Variants in BCL11B observed in about 807,000 individuals in gnomAD.
BCL11B encodes the protein B-cell lymphoma/leukemia 11B.
BCL11B carries 8 observed loss-of-function variants against 49.9 expected under a neutral mutation model. That is an observed-to-expected ratio of 0.16 (90% CI 0.09 to 0.29). The LOEUF (loss-of-function observed/expected upper bound fraction) is 0.29, where lower values mean the gene tolerates loss of function less well. BCL11B is among the 10% of genes least tolerant of loss of function. The pLI is 1.00. For synonymous variants in BCL11B, 739 were observed against 637.4 expected, an observed-to-expected ratio of 1.16 and a Z score of -2.40; for missense variants, 1,006 against 1,351.0, an observed-to-expected ratio of 0.74 and a Z score of 4.00.
rs532208681 is a variant in BCL11B at position 99,240,402 on chromosome 14, A to G, written c.428-8845T>C. Among the ~76,000 whole-genome samples, 16 of 152,158 alleles carry G rather than the reference A, an allele frequency of 1.1e-4. No individual in the cohort carries two copies. In the South Asian group the frequency reaches 2.3e-3, roughly 22 times the overall value. ...TCATTTTTTTTCCTTTTCCTAATGG[A>G]CTTATAGAAGACCGAGGTTCAGTGC... On this transcript the variant is annotated intron_variant, in intron 2 of 3. Coordinates refer to ENST00000357195, the MANE Select transcript of BCL11B (RefSeq NM_138576.4).
At position 99,198,394 on chromosome 14, in the gene BCL11B, C is replaced by T. The variant is rs201602920; in HGVS notation, c.641-22199G>A. On this transcript the variant is annotated intron_variant, in intron 3 of 3. Coordinates refer to ENST00000357195, the MANE Select transcript of BCL11B (RefSeq NM_138576.4). Reference sequence around the variant, plus strand: ...GCTGTATACAGTTCAAACAGCTGAGCTCCTGCTGTATACAGTTTTGATTTG... The same window carrying T: ...GCTGTATACAGTTCAAACAGCTGAGTTCCTGCTGTATACAGTTTTGATTTG... 2.1e-4 allele frequency among the ~76,000 whole-genome samples: 32 copies of T among 152,296 alleles called. No homozygotes were observed. In the East Asian group the frequency reaches 2.7e-3, roughly 13 times the overall value.
At chr14:99,245,724 C>G (rs970697462) in intron 2 of BCL11B, among the ~76,000 whole-genome samples, 2 of 152,188 alleles carry the variant, frequency 1.3e-5, no homozygotes, top group African/African-American at 2.4e-5. Flanking sequence ...ATTCCCCATG[C>G]CCGAGAAGGT....
At position 99,249,856 on chromosome 14, in the gene BCL11B, G is replaced by A. The variant is rs578047429; in HGVS notation, c.427+7615C>T. Among the ~76,000 whole-genome samples the A allele has an allele frequency of 1.2e-4, 18 of 152,134 alleles. No individual in the cohort carries two copies. In the South Asian group the frequency reaches 3.3e-3, roughly 28 times the overall value. On this transcript the variant is annotated intron_variant, in intron 2 of 3. Coordinates refer to ENST00000357195, the MANE Select transcript of BCL11B (RefSeq NM_138576.4). ...TTAAATTTAACATCAGGCTGGGTGC[G>A]GTGGCTCGTGCCTGTAATCCCAACA... is the stretch of plus-strand genomic sequence containing the variant.
rs553065925 is a variant in BCL11B at position 99,244,052 on chromosome 14, A to T, written c.428-12495T>A. On this transcript the variant is annotated intron_variant, in intron 2 of 3. Transcript: ENST00000357195. ...GGCGCAGAAAGTGTGCCCTGCAAAG[A>T]CGCCAGAGCACCCTGGGGGCTACCA... is the stretch of plus-strand genomic sequence containing the variant. Among the ~76,000 whole-genome samples the T allele has an allele frequency of 2.6e-5, 4 of 152,174 alleles. No homozygotes were observed. The South Asian group carries it at 8.3e-4, about 32-fold the overall frequency.
In BCL11B at chr14:99,195,567, C is replaced by G. The variant is rs184772970; in HGVS notation, c.641-19372G>C. ...TGTATCTTCGTGAACCCCCACAAGGCTCGTATGCCTTGGATTCCACATGGA... is the reference window on the plus strand; with the variant it reads ...TGTATCTTCGTGAACCCCCACAAGGGTCGTATGCCTTGGATTCCACATGGA... On this transcript the variant is annotated intron_variant, in intron 3 of 3. Coordinates refer to ENST00000357195, the MANE Select transcript of BCL11B (RefSeq NM_138576.4). The surrounding 1 kb of genome is among the most constrained non-coding windows in gnomAD (Gnocchi z 4.7). Among the ~76,000 whole-genome samples the G allele has an allele frequency of 1.6e-3, 240 of 152,280 alleles. 1 individual carries two copies. Among genetic ancestry groups the G allele is most frequent in the Admixed American group, 4.4e-3 (68 of 15,294 alleles).
chr14:99,251,554 A>G (rs1595075304), intron 2 of BCL11B, among the ~76,000 whole-genome samples: 1 of 152,250 alleles, frequency 6.6e-6, no homozygotes, highest in East Asian at 1.9e-4. Context: ...ATATAAAATA[A>G]AAGAAATAAT....
rs1460891952 is a variant in BCL11B, at chr14:99,175,222, CTCCTCCTCCTCG to C, written c.1602_1613del (p.Asp534_Glu537del). ...CCAGTAGCAGCTCCTCCTCCTCCTCCTCCTCCTCCTCGTCCTCCTCCTCCGGCTCGTGGCCCA... is the reference window on the plus strand; with the variant it reads ...CCAGTAGCAGCTCCTCCTCCTCCTCCTCCTCCTCCTCCGGCTCGTGGCCCA... On this transcript the variant is annotated inframe_deletion, in exon 4 of 4. Transcript: ENST00000357195. 9.0e-6 allele frequency: 14 copies of C among 1,551,500 alleles called. No individual in the cohort carries two copies. The highest frequency in any genetic ancestry group is 1.9e-5 in the Admixed American group (1 of 52,048).
rs1051851016 is a variant in BCL11B, at chr14:99,232,263, G to A, written c.428-706C>T. On this transcript the variant is annotated intron_variant, in intron 2 of 3. Transcript: ENST00000357195. This position sits in a 1 kb window ranked among gnomAD's most constrained non-coding sequence, Gnocchi z 5.1. ...CTCGGCCTGGCTTGGGAGGCCTCCC[G>A]CCATGTGACAGCAAGGACACAGGGC... Among the ~76,000 whole-genome samples the A allele has an allele frequency of 6.6e-6, 1 of 151,954 alleles. No homozygotes were observed. Among genetic ancestry groups the A allele is most frequent in the African/African-American group, 2.4e-5 (1 of 41,384 alleles).
At chr14:99,252,613 C>T (rs893850584) in intron 2 of BCL11B, among the ~76,000 whole-genome samples, 2 of 152,222 alleles carry the variant, frequency 1.3e-5, no homozygotes, top group Non-Finnish European at 2.9e-5. Context: ...TGGATGAAGA[C>T]ATATCAAGTG....
rs572582602 is a variant in BCL11B, at chr14:99,173,536, C to T, written c.*615G>A. ...TTATCCGCTGTACATCCACACCCCCCACCCCAAAAACAAAAACCAAAAAAA... is the reference window on the plus strand; with the variant it reads ...TTATCCGCTGTACATCCACACCCCCTACCCCAAAAACAAAAACCAAAAAAA... On this transcript the variant is annotated 3_prime_UTR_variant, in exon 4 of 4. Transcript: ENST00000357195. 1 of 201,616 alleles carries T rather than the reference C, an allele frequency of 5.0e-6. No homozygotes were observed. Among genetic ancestry groups the T allele is most frequent in the African/African-American group, 2.4e-5 (1 of 42,044 alleles). 12.5% of individuals were successfully genotyped at this position (201,616 alleles called of 1,614,324 possible).
At chr14:99,214,599 C>T (rs1887777982) in intron 3 of BCL11B, among the ~76,000 whole-genome samples, 1 of 150,528 alleles carries the variant, frequency 6.6e-6, no homozygotes, top group African/African-American at 2.4e-5. Flanking sequence ...CCATGGCACA[C>T]GTTTACCTAT....
intron 3 of BCL11B, among the ~76,000 whole-genome samples, chr14:99,202,815 C>A (rs1887425085): frequency 6.6e-6 from 1 of 152,226 alleles, no homozygotes; most frequent in African/African-American, 2.4e-5. Flanking sequence ...GGGTCTCATG[C>A]AGCGCTGCCC....
intron 1 of BCL11B, among the ~76,000 whole-genome samples, chr14:99,269,916 G>C (rs1889609283): frequency 7.0e-6 from 1 of 142,966 alleles, no homozygotes; most frequent in African/African-American, 2.6e-5. Context: ...AAAAAGGAAC[G>C]GCGACCCAGG....
At chr14:99,197,497 A>AT (rs374674959) in intron 3 of BCL11B, among the ~76,000 whole-genome samples, 32 of 151,830 alleles carry the variant, frequency 2.1e-4, no homozygotes, top group African/African-American at 6.8e-4. Flanking sequence ...TGGAAAGAGA[A>AT]TTTTTTTTTC....
intron 3 of BCL11B, among the ~76,000 whole-genome samples, chr14:99,179,791 TC>T (rs1886648301): frequency 4.6e-5 from 7 of 152,100 alleles, no homozygotes; most frequent in Admixed American, 3.9e-4. Context: ...TTCTTTCCAG[TC>T]CCCACTCCCT....
At position 99,172,831 on chromosome 14, in the gene BCL11B, A is replaced by G; in HGVS notation, c.*1320T>C. 4.5e-6 allele frequency: 1 copy of G among 223,094 alleles called. No individual in the cohort carries two copies. Among genetic ancestry groups the G allele is most frequent in the Non-Finnish European group, 9.0e-6 (1 of 111,718 alleles). The allele number at this position is 223,094 out of a possible 1,614,324, so 13.8% of individuals were successfully genotyped here. A position where few individuals can be genotyped will look rare whatever the true frequency, so the allele number is the denominator to read the frequency against. Reference sequence around the variant, plus strand: ...ACAGTTCAATATTTAGTACCTTCCAACCTAATGAGATAGGAAAAAAAAAAT... The same window carrying G: ...ACAGTTCAATATTTAGTACCTTCCAGCCTAATGAGATAGGAAAAAAAAAAT... On this transcript the variant is annotated 3_prime_UTR_variant, in exon 4 of 4. Transcript: ENST00000357195.
In BCL11B at chr14:99,205,891, G is replaced by GT. The variant is rs1235114886; in HGVS notation, c.640+25453dup. On this transcript the variant is annotated intron_variant, in intron 3 of 3. Coordinates refer to ENST00000357195, the MANE Select transcript of BCL11B (RefSeq NM_138576.4). This position sits in a 1 kb window ranked among gnomAD's most constrained non-coding sequence, Gnocchi z 5.0. Reference sequence around the variant, plus strand: ...AGATCTCTCATTGCAGAATCAAGTTGTTGAAGGAAGGTTAGCTCCAAAGAG... The same window carrying GT: ...AGATCTCTCATTGCAGAATCAAGTTGTTTGAAGGAAGGTTAGCTCCAAAGAG... Among the ~76,000 whole-genome samples the GT allele has an allele frequency of 2.0e-5, 3 of 152,212 alleles. No homozygotes were observed. Among genetic ancestry groups the GT allele is most frequent in the Non-Finnish European group, 2.9e-5 (2 of 68,036 alleles).
chr14:99,270,091 G>A (rs940492669), intron 1 of BCL11B, among the ~76,000 whole-genome samples: 1 of 151,802 alleles, frequency 6.6e-6, no homozygotes, highest in Non-Finnish European at 1.5e-5. Flanking sequence ...GCTCGCGCTC[G>A]CTTTTCCCCT....
intron 2 of BCL11B, among the ~76,000 whole-genome samples, chr14:99,234,855 CAAAA>C (rs34831762): frequency 9.0e-5 from 6 of 66,638 alleles, no homozygotes; most frequent in Non-Finnish European, 1.7e-4. Context: ...GGTCTATGCA[CAAAA>C]AAAAAAAAAA....
Sources: gnomAD v4.1 joint callset for allele counts (sites outside exome capture counted in the v4.1 genomes callset) on GRCh38, gnomAD v4.1.1 for gene constraint, Gnocchi (gnomAD v3.1) non-coding constraint, MANE v1.5 for transcripts, NCBI Gene and HGNC (gene_info 2026-07-23, HGNC 2026-07-21) for gene names.